Variants in RIPOR2 observed in about 807,000 individuals in gnomAD.
RIPOR2 encodes the protein rho family-interacting cell polarization regulator 2.
Under a neutral mutation model 114.5 loss-of-function variants are expected in RIPOR2, and 39 were observed. The observed-to-expected ratio is 0.34, with a 90% CI of 0.26 to 0.44. The LOEUF (loss-of-function observed/expected upper bound fraction) is 0.44. Ranked by LOEUF, RIPOR2 falls within the 20% of genes least tolerant of loss-of-function variation. RIPOR2 has a pLI of 1.00. For synonymous variants in RIPOR2, 445 were observed against 484.4 expected, an observed-to-expected ratio of 0.92 and a Z score of 1.07; for missense variants, 1,007 against 1,255.1, an observed-to-expected ratio of 0.80 and a Z score of 2.99.
rs148986441 is a variant in RIPOR2 at position 25,027,165 on chromosome 6, G to T, written c.76+14686C>A. 7.7e-3 allele frequency among the ~76,000 whole-genome samples: 1,175 copies of T among 152,330 alleles called. 5 individuals carry two copies. Among genetic ancestry groups the T allele is most frequent in the Middle Eastern group, 0.027 (8 of 294 alleles). ...AATAATAATAAAAAATAATTTAGGT[G>T]ATACTGCATAGCTCACAAAATATTT... On this transcript the variant is annotated intron_variant, in intron 1 of 13. Transcript: ENST00000510784.
intron 1 of RIPOR2, among the ~76,000 whole-genome samples, chr6:24,982,740 A>G (rs1212005092): frequency 6.6e-6 from 1 of 152,206 alleles, no homozygotes; most frequent in East Asian, 1.9e-4. Flanking sequence ...ACTAAAAACG[A>G]TCTAATATTA....
chr6:24,990,581 A>C (rs1001128055), intron 1 of RIPOR2, among the ~76,000 whole-genome samples: 3 of 152,238 alleles, frequency 2.0e-5, no homozygotes, highest in Non-Finnish European at 4.4e-5. Context: ...ATTGTCTACT[A>C]TGACCATGAT....
At chr6:24,819,639 G>A (rs947926517) in intron 19 of RIPOR2, among the ~76,000 whole-genome samples, 2 of 142,266 alleles carry the variant, frequency 1.4e-5, no homozygotes, top group Non-Finnish European at 3.0e-5. Context: ...TCGATTACAG[G>A]TGCCCACCAC....
At chr6:24,876,872 G>T in intron 1 of RIPOR2, 1 of 671,982 alleles carries the variant, frequency 1.5e-6, no homozygotes, top group Non-Finnish European at 1.8e-6. Context: ...GAAGCCCAGG[G>T]CTAGTTCCCC....
At chr6:24,810,580 G>A (rs934156006) in intron 20 of RIPOR2, among the ~76,000 whole-genome samples, 6 of 152,154 alleles carry the variant, frequency 3.9e-5, no homozygotes, top group Non-Finnish European at 8.8e-5. Context: ...ACATGGTTCT[G>A]GTCCTCAAGA....
At chr6:25,024,505 C>T in intron 1 of RIPOR2, 3 of 740,178 alleles carry the variant, frequency 4.1e-6, no homozygotes, top group East Asian at 2.9e-5. Flanking sequence ...ATTGGAGGCG[C>T]GAGTTCCCAG....
chr6:24,900,059 T>G (rs1246171105), intron 1 of RIPOR2, among the ~76,000 whole-genome samples: 1 of 152,196 alleles, frequency 6.6e-6, no homozygotes, highest in Non-Finnish European at 1.5e-5. Flanking sequence ...ACTGAGAACC[T>G]CAGCCTACGT....
chr6:24,955,916 G>A (rs1169032394), intron 1 of RIPOR2, among the ~76,000 whole-genome samples: 14 of 151,486 alleles, frequency 9.2e-5, no homozygotes, highest in Admixed American at 9.2e-4. Context: ...GGCTGAGGCA[G>A]GAGAATTGCT....
At chr6:24,989,884 G>A (rs1774716544) in intron 1 of RIPOR2, among the ~76,000 whole-genome samples, 1 of 151,862 alleles carries the variant, frequency 6.6e-6, no homozygotes, top group South Asian at 2.1e-4. Context: ...ACAAAAATTA[G>A]CCAGGCGTGG....
At chr6:24,832,581 C>T (rs1760773494) in intron 15 of RIPOR2, among the ~76,000 whole-genome samples, 190 bp from the exon 16 acceptor site, 1 of 152,146 alleles carries the variant, frequency 6.6e-6, no homozygotes. Flanking sequence ...GTTTTTGTTG[C>T]TTTGCATTTC....
upstream of RIPOR2, among the ~76,000 whole-genome samples, chr6:24,939,762 C>A (rs553952039): frequency 2.0e-5 from 3 of 152,158 alleles, no homozygotes; most frequent in Admixed American, 2.0e-4. Context: ...AGGCAAACAG[C>A]TCCAATAATT....
chr6:24,952,057 A>T (rs753763306), intron 1 of RIPOR2, among the ~76,000 whole-genome samples: 2 of 152,212 alleles, frequency 1.3e-5, no homozygotes, highest in Non-Finnish European at 2.9e-5. Flanking sequence ...CTCTTTTGAA[A>T]TGCGATGGAG....
intron 1 of RIPOR2, among the ~76,000 whole-genome samples, chr6:24,891,718 G>T (rs1007237): frequency 0.72 from 108,853 of 152,068 alleles, 39,920 homozygotes; most frequent in African/African-American, 0.89. Flanking sequence ...TATCCCATTG[G>T]TTCCCCTCTC....
chr6:24,999,292 C>T (rs1456678782), intron 1 of RIPOR2, among the ~76,000 whole-genome samples: 1 of 152,164 alleles, frequency 6.6e-6, no homozygotes, highest in Non-Finnish European at 1.5e-5. Context: ...ACATACAAAT[C>T]ACACACCTGC....
rs147098681 is a variant in RIPOR2 at position 24,858,704 on chromosome 6, C to A, written c.715+2269G>T. Among the ~76,000 whole-genome samples the A allele has an allele frequency of 6.6e-6, 1 of 152,206 alleles. No homozygotes were observed. Among genetic ancestry groups the A allele is most frequent in the Non-Finnish European group, 1.5e-5 (1 of 68,008 alleles). On this transcript the variant is annotated intron_variant, in intron 8 of 21. Transcript: ENST00000643898. This position sits in a 1 kb window ranked among gnomAD's most constrained non-coding sequence, Gnocchi z 4.0. The stretch of plus-strand genomic sequence containing the variant: ...GAGAAACCCCATGGAAGAAACCAAG[C>A]GTTCAGGTGGACTCTCAGGAACATC...
intron 1 of RIPOR2, among the ~76,000 whole-genome samples, chr6:25,028,559 T>C (rs1398313546): frequency 6.6e-6 from 1 of 152,154 alleles, no homozygotes; most frequent in Middle Eastern, 3.2e-3. Context: ...GGACTGAGGA[T>C]TAAGTGAAAT....
chr6:24,924,171 G>A (rs962724055), intron 1 of RIPOR2, among the ~76,000 whole-genome samples: 20 of 152,208 alleles, frequency 1.3e-4, no homozygotes, highest in African/African-American at 4.1e-4. Context: ...ATCTCCTAAC[G>A]TAAGGTAATG....
chr6:24,890,411 T>C (rs540285826), intron 1 of RIPOR2, among the ~76,000 whole-genome samples: 26 of 152,258 alleles, frequency 1.7e-4, no homozygotes, highest in Middle Eastern at 6.8e-3. Context: ...GAAAGACAAA[T>C]ACTGCATGTT....
rs1780767377 is a variant in RIPOR2 at position 24,806,292 on chromosome 6, A to G, written c.*81T>C. The G allele has an allele frequency of 9.8e-7, 1 of 1,019,288 alleles. No individual in the cohort carries two copies. The allele number at this position is 1,019,288 out of a possible 1,614,324, so 63.1% of individuals were successfully genotyped here. The stretch of plus-strand genomic sequence containing the variant: ...AGTTGTCGTGTCTCTCAGGCTCTAA[A>G]CAATTTCCAGCCCAAACCACAGCAC... On this transcript the variant is annotated 3_prime_UTR_variant, in exon 22 of 22. Coordinates refer to ENST00000643898, the MANE Select transcript of RIPOR2 (RefSeq NM_001286445.3).
Sources: gnomAD v4.1 joint callset for allele counts (sites outside exome capture counted in the v4.1 genomes callset) on GRCh38, gnomAD v4.1.1 for gene constraint, Gnocchi (gnomAD v3.1) non-coding constraint, MANE v1.5 for transcripts, NCBI Gene and HGNC (gene_info 2026-07-23, HGNC 2026-07-21) for gene names.